ATRNL1: variants seen among roughly 807,000 people sequenced by gnomAD.
The protein encoded by ATRNL1 is attractin-like protein 1.
Under a neutral mutation model 182.7 loss-of-function variants are expected in ATRNL1, and 95 were observed. The observed-to-expected ratio is 0.52, with a 90% CI of 0.44 to 0.62. ATRNL1 has a LOEUF of 0.62. ATRNL1 is among the 20% of genes least tolerant of loss of function. The probability of loss-of-function intolerance (pLI) is 0.00; values close to 1 mark genes in which losing one functional copy is unlikely to be tolerated. For synonymous variants in ATRNL1, 576 were observed against 568.3 expected (o/e 1.01, Z -0.19); for missense variants, 1,471 against 1,679.5 (o/e 0.88, Z 2.17).
Position 115,300,176 on chromosome 10 carries a change from C to T in ATRNL1, c.2558C>T (p.Ala853Val), listed in dbSNP as rs781927927. 1.2e-6 allele frequency: 2 copies of T among 1,614,050 alleles called. No homozygotes were observed. The highest frequency in any genetic ancestry group is 1.7e-6 in the Non-Finnish European group (2 of 1,179,950). ...GGGTTTTGTGCATATCTGGAAAGGG[C>T]TGCAGTGGCAGGCTTAAAAGCTAAT... Reference protein sequence around the residue: ...DSGFCAYLERAAVAGLKANPC... With the variant: ...DSGFCAYLERVAVAGLKANPC... Residue 853 changes from alanine (A) to valine (V), a missense_variant, in exon 16 of 29, where the codon GCT becomes GTT. By Grantham distance (64) the Ala-to-Val change is moderately conservative. Coordinates refer to ENST00000355044, the MANE Select transcript of ATRNL1 (RefSeq NM_207303.4).
At chr10:115,672,038 T>G (rs1348858826) in intron 26 of ATRNL1, among the ~76,000 whole-genome samples, 1 of 152,094 alleles carries the variant, frequency 6.6e-6, no homozygotes. Flanking sequence ...ATTGTAAATA[T>G]TTTTGGTCAC....
At chr10:115,360,537 A>C (rs782030606) in intron 19 of ATRNL1, among the ~76,000 whole-genome samples, 1 of 151,692 alleles carries the variant, frequency 6.6e-6, no homozygotes, top group Non-Finnish European at 1.5e-5. Flanking sequence ...ACATTGATGC[A>C]TATTGTTATT....
chr10:115,417,592 A>T (rs1554961113), intron 20 of ATRNL1, among the ~76,000 whole-genome samples: 1 of 152,216 alleles, frequency 6.6e-6, no homozygotes, highest in Non-Finnish European at 1.5e-5. Context: ...TTTGTCCCAC[A>T]GTAGATCCTG....
At chr10:115,513,456 G>A (rs1850489910) in intron 24 of ATRNL1, among the ~76,000 whole-genome samples, 1 of 151,716 alleles carries the variant, frequency 6.6e-6, no homozygotes, top group African/African-American at 2.4e-5. Flanking sequence ...TTTATTATCT[G>A]CTCTCCCACT....
At chr10:115,677,320 A>C (rs1054020683) in intron 26 of ATRNL1, among the ~76,000 whole-genome samples, 1 of 152,060 alleles carries the variant, frequency 6.6e-6, no homozygotes, top group African/African-American at 2.4e-5. Flanking sequence ...TGATACAGGA[A>C]AATCCCTCAC....
chr10:115,632,062 C>T (rs1858546327), intron 26 of ATRNL1, among the ~76,000 whole-genome samples: 1 of 152,096 alleles, frequency 6.6e-6, no homozygotes, highest in African/African-American at 2.4e-5. Flanking sequence ...TTTAGTTATG[C>T]ATCCTTGTAC....
At chr10:115,435,744 A>T (rs1028057556) in intron 21 of ATRNL1, among the ~76,000 whole-genome samples, 10 of 152,282 alleles carry the variant, frequency 6.6e-5, no homozygotes, top group Admixed American at 4.6e-4. Context: ...AGATATCACA[A>T]ACCTTTTGTT....
intron 27 of ATRNL1, among the ~76,000 whole-genome samples, chr10:115,841,863 C>T (rs1331132508): frequency 6.6e-6 from 1 of 152,064 alleles, no homozygotes; most frequent in African/African-American, 2.4e-5. Context: ...GGAATCAGGA[C>T]ACTTGATTAG....
At chr10:115,650,729 C>T (rs1178171686) in intron 26 of ATRNL1, among the ~76,000 whole-genome samples, 1 of 152,056 alleles carries the variant, frequency 6.6e-6, no homozygotes, top group African/African-American at 2.4e-5. Flanking sequence ...ATACTTAAGT[C>T]ACCCATCTTA....
chr10:115,747,187 A>G (rs1332988226), intron 27 of ATRNL1, among the ~76,000 whole-genome samples: 2 of 152,094 alleles, frequency 1.3e-5, no homozygotes, highest in Non-Finnish European at 2.9e-5. Context: ...TTATTGTGTC[A>G]TGTCACCCTC....
At chr10:115,703,760 C>A (rs1946812310) in intron 26 of ATRNL1, among the ~76,000 whole-genome samples, 1 of 151,102 alleles carries the variant, frequency 6.6e-6, no homozygotes, top group African/African-American at 2.4e-5. Context: ...AGAAAGAAAA[C>A]CAGAATGCTC....
chr10:115,663,811 A>T (rs1555038874), intron 26 of ATRNL1, among the ~76,000 whole-genome samples: 1 of 152,108 alleles, frequency 6.6e-6, no homozygotes, highest in Non-Finnish European at 1.5e-5. Context: ...GTTCCTCTAA[A>T]ACTGAAGAGC....
chr10:115,569,354 A>G (rs562251090), intron 26 of ATRNL1, among the ~76,000 whole-genome samples: 1 of 152,284 alleles, frequency 6.6e-6, no homozygotes, highest in African/African-American at 2.4e-5. Flanking sequence ...GTGTGCAGGT[A>G]TAATTATAGG....
At chr10:115,693,800 T>A (rs964366462) in intron 26 of ATRNL1, among the ~76,000 whole-genome samples, 3 of 152,076 alleles carry the variant, frequency 2.0e-5, no homozygotes, top group African/African-American at 7.2e-5. Flanking sequence ...TTATATAAGA[T>A]AAAAATTGGG....
At position 115,093,887 on chromosome 10, in the gene ATRNL1, A is replaced by C. The variant is rs146316685; in HGVS notation, c.137A>C (p.Tyr46Ser). Residue 46 changes from tyrosine (Y) to serine (S), a missense_variant, in exon 1 of 29, where the codon TAT (tyrosine) becomes TCT (serine). Tyr to Ser is a moderately radical substitution (Grantham distance 144). Coordinates refer to ENST00000355044, the MANE Select transcript of ATRNL1 (RefSeq NM_207303.4). This position sits in a 1 kb window ranked among gnomAD's most constrained non-coding sequence, Gnocchi z 6.1. ...LLDGNSWLLC[Y>S]GFLYLALYAQ... is the part of the protein sequence containing the mutation. ...GACGGGAACAGCTGGCTGCTGTGCT[A>C]TGGCTTCCTCTACCTGGCGCTCTAC... is the stretch of plus-strand genomic sequence containing the variant. 6.3e-7 allele frequency: 1 copy of C among 1,594,046 alleles called. No individual in the cohort carries two copies. The highest frequency in any genetic ancestry group is 8.5e-7 in the Non-Finnish European group (1 of 1,172,452).
At chr10:115,503,648 C>A (rs2133642969) in intron 24 of ATRNL1, among the ~76,000 whole-genome samples, 1 of 144,830 alleles carries the variant, frequency 6.9e-6, no homozygotes, top group Admixed American at 6.6e-5. Context: ...AAGACCATTA[C>A]AATTTCCCTT....
chr10:115,256,886 A>G (rs563238294), intron 10 of ATRNL1, among the ~76,000 whole-genome samples: 14 of 152,196 alleles, frequency 9.2e-5, no homozygotes, highest in Middle Eastern at 3.4e-3. Context: ...TCATTTAGTT[A>G]TTTACCTGGT....
chr10:115,317,392 T>C (rs782529221), intron 18 of ATRNL1, among the ~76,000 whole-genome samples: 4 of 152,224 alleles, frequency 2.6e-5, no homozygotes, highest in Admixed American at 6.5e-5. Context: ...TTTAATTCCA[T>C]ATGAAATTTA....
At chr10:115,139,846 T>A (rs898720549) in intron 5 of ATRNL1, among the ~76,000 whole-genome samples, 2 of 152,232 alleles carry the variant, frequency 1.3e-5, no homozygotes, top group African/African-American at 4.8e-5. Flanking sequence ...TTCCCTTCTT[T>A]TAGCAACTTA....
Sources: gnomAD v4.1 joint callset for allele counts (sites outside exome capture counted in the v4.1 genomes callset) on GRCh38, gnomAD v4.1.1 for gene constraint, Gnocchi (gnomAD v3.1) non-coding constraint, MANE v1.5 for transcripts, NCBI Gene and HGNC (gene_info 2026-07-23, HGNC 2026-07-21) for gene names.